LIPA: variants seen among roughly 807,000 people sequenced by gnomAD.
LIPA encodes lipase A, lysosomal acid type, also known as lysosomal acid lipase/cholesteryl ester hydrolase.
LIPA carries 26 observed loss-of-function variants against 40.6 expected under a neutral mutation model. The ratio of observed to expected loss-of-function variants is 0.64; its 90% CI spans 0.47 to 0.89. The LOEUF (loss-of-function observed/expected upper bound fraction) is 0.89. Among genes scored for constraint, LIPA ranks in the 40% least tolerant of loss-of-function variants. The pLI is 0.00. For synonymous variants in LIPA, 188 were observed against 168.4 expected (o/e 1.12, Z -0.90); for missense variants, 455 against 479.6 (o/e 0.95, Z 0.48).
chr10:89,403,039 G>T (rs1028095621), intron 2 of LIPA: 1 of 1,614,180 alleles, frequency 6.2e-7, no homozygotes. Context: ...TATGTCTTTC[G>T]ATATGCAGCC....
intron 1 of LIPA, among the ~76,000 whole-genome samples, chr10:89,325,536 CA>C (rs910786871): frequency 4.0e-5 from 6 of 151,536 alleles, no homozygotes; most frequent in African/African-American, 1.5e-4. Context: ...TATGCAGCCA[CA>C]AAAAAAAGAA....
At chr10:89,365,765 G>A (rs1844052489) in intron 2 of LIPA, among the ~76,000 whole-genome samples, 1 of 152,120 alleles carries the variant, frequency 6.6e-6, no homozygotes, top group African/African-American at 2.4e-5. Flanking sequence ...GGTTGTAGAT[G>A]TGTGGTATTA....
chr10:89,248,439 T>TATTATTA (rs377027356), intron 1 of LIPA, among the ~76,000 whole-genome samples: 2 of 77,606 alleles, frequency 2.6e-5, no homozygotes, highest in Admixed American at 1.5e-4. Flanking sequence ...TTATTATTAT[T>TATTATTA]TTATATTTAT....
intron 2 of LIPA, among the ~76,000 whole-genome samples, chr10:89,381,127 G>T (rs562284164): frequency 6.6e-6 from 1 of 152,322 alleles, no homozygotes; most frequent in South Asian, 2.1e-4. Context: ...GCTAGCAGCT[G>T]AGATGCTGAG....
intron 1 of LIPA, among the ~76,000 whole-genome samples, chr10:89,302,727 T>A (rs551392282): frequency 4.6e-5 from 7 of 152,294 alleles, no homozygotes; most frequent in Admixed American, 2.6e-4. Flanking sequence ...GAGAAAATAG[T>A]TCTGTTCTCA....
intron 1 of LIPA, chr10:89,284,591 G>GCACACTAAA (rs1843332040): frequency 6.6e-6 from 1 of 151,958 alleles, no homozygotes. Flanking sequence ...AATACTATAG[G>GCACACTAAA]CACACTAAAG....
chr10:89,250,320 G>T (rs1843101262), intron 1 of LIPA, among the ~76,000 whole-genome samples: 1 of 151,844 alleles, frequency 6.6e-6, no homozygotes, highest in Admixed American at 6.6e-5. Flanking sequence ...AGCCAGGATG[G>T]TCTCGATCTC....
intron 1 of LIPA, among the ~76,000 whole-genome samples, chr10:89,249,369 G>C (rs1228308365): frequency 1.3e-5 from 2 of 152,146 alleles, no homozygotes; most frequent in Non-Finnish European, 2.9e-5. Context: ...CCTAGGACTA[G>C]ATCCCAGAAC....
chr10:89,343,572 C>T (rs759824573), upstream of LIPA, among the ~76,000 whole-genome samples: 84 of 152,284 alleles, frequency 5.5e-4, no homozygotes, highest in Non-Finnish European at 1.0e-3. Flanking sequence ...GATCTTTCTT[C>T]GGAGGCCCTT....
At chr10:89,332,155 C>T (rs1227290178) in intron 1 of LIPA, among the ~76,000 whole-genome samples, 3 of 152,152 alleles carry the variant, frequency 2.0e-5, no homozygotes, top group Admixed American at 6.5e-5. Flanking sequence ...CACTTGAACC[C>T]GAGAGGCAGA....
At chr10:89,322,222 A>G (rs965069878) in intron 1 of LIPA, among the ~76,000 whole-genome samples, 3 of 152,202 alleles carry the variant, frequency 2.0e-5, no homozygotes, top group African/African-American at 7.2e-5. Context: ...GTAAAATTTT[A>G]AAAAATGCAG....
At chr10:89,313,305 T>G (rs913728040) in intron 1 of LIPA, among the ~76,000 whole-genome samples, 4 of 152,218 alleles carry the variant, frequency 2.6e-5, no homozygotes, top group African/African-American at 9.6e-5. Context: ...TCTGGTTCCA[T>G]TTTTCAGTTT....
chr10:89,411,534 C>G (rs552564930), intron 2 of LIPA, among the ~76,000 whole-genome samples: 1 of 152,198 alleles, frequency 6.6e-6, no homozygotes, highest in Admixed American at 6.5e-5. Context: ...TTTCAACTAA[C>G]GTAAAGTTTG....
intron 8 of LIPA, among the ~76,000 whole-genome samples, chr10:89,221,883 G>A (rs1246056767): frequency 1.3e-5 from 2 of 151,750 alleles, no homozygotes; most frequent in Non-Finnish European, 2.9e-5. Flanking sequence ...CTCTGTCTAG[G>A]GTTATAGAAT....
intron 1 of LIPA, among the ~76,000 whole-genome samples, chr10:89,303,236 A>G (rs1382212738): frequency 6.6e-6 from 1 of 152,170 alleles, no homozygotes; most frequent in African/African-American, 2.4e-5. Flanking sequence ...CTCAAAATTG[A>G]GCATGCATAA....
chr10:89,325,061 A>G (rs1308807195), intron 1 of LIPA, among the ~76,000 whole-genome samples: 1 of 152,242 alleles, frequency 6.6e-6, no homozygotes, highest in Non-Finnish European at 1.5e-5. Context: ...ATAATAAAAA[A>G]AGAAAATAAA....
In LIPA at chr10:89,384,731, T is replaced by C. The variant is rs141844567; in HGVS notation, c.61+28060A>G. On this transcript the variant is annotated intron_variant, in intron 2 of 8. Coordinates refer to the LIPA transcript ENST00000371837. ...AGGCTGGCTGCTGACCTGAACCCTA[T>C]ATTTTAACATAGAGGTCACCATTAT... 291 of 1,603,288 alleles carry C rather than the reference T, an allele frequency of 1.8e-4. 3 individuals carry two copies. In the African/African-American group the frequency reaches 2.6e-3, roughly 14 times the overall value.
Position 89,245,660 on chromosome 10 carries a change from A to T in LIPA, c.229+16T>A. 1 of 1,317,488 alleles carries T rather than the reference A, an allele frequency of 7.6e-7. No homozygotes were observed. Among genetic ancestry groups the T allele is most frequent in the Non-Finnish European group, 1.1e-6 (1 of 910,058 alleles). 81.6% of individuals were successfully genotyped at this position (1,317,488 alleles called of 1,614,324 possible). A position where few individuals can be genotyped will look rare whatever the true frequency, so the allele number is the denominator to read the frequency against. On this transcript the variant is annotated intron_variant, in intron 3 of 9. Coordinates refer to ENST00000336233, the MANE Select transcript of LIPA (RefSeq NM_000235.4). ...CAGAAGAATTCTGGTTTTTACTTTT[A>T]AGAGCCTTCCCATACCTTTGTCAGA...
At chr10:89,243,753 T>C (rs184250799) in intron 3 of LIPA, among the ~76,000 whole-genome samples, 1 of 152,128 alleles carries the variant, frequency 6.6e-6, no homozygotes, top group Non-Finnish European at 1.5e-5. Context: ...TGCAACAGTG[T>C]GATACACACA....
Sources: gnomAD v4.1 joint callset for allele counts (sites outside exome capture counted in the v4.1 genomes callset) on GRCh38, gnomAD v4.1.1 for gene constraint, MANE v1.5 for transcripts, NCBI Gene and HGNC (gene_info 2026-07-23, HGNC 2026-07-21) for gene names.